The following MBTPS1 variants were observed in gnomAD, a reference collection of about 807,000 sequenced individuals.
MBTPS1 encodes the protein membrane bound transcription factor peptidase, site 1.
A neutral mutation model predicts 127.8 loss-of-function variants in MBTPS1; 94 were observed. That is an observed-to-expected ratio of 0.74 (90% CI 0.62 to 0.87). The LOEUF is 0.87. MBTPS1 is among the 40% of genes least tolerant of loss of function. The pLI is 0.00. For missense variants in MBTPS1, 1,636 were observed against 1,353.2 expected (o/e 1.21, Z -3.28); for synonymous variants, 632 against 509.4 (o/e 1.24, Z -3.24).
At chr16:84,110,356 A>C (rs1027053981) in intron 1 of MBTPS1, among the ~76,000 whole-genome samples, 1 of 152,342 alleles carries the variant, frequency 6.6e-6, no homozygotes, top group South Asian at 2.1e-4. Flanking sequence ...ACATTAAACA[A>C]ATCAAGTAAC....
rs749508384 is a variant in MBTPS1 at position 84,065,676 on chromosome 16, A to G, written c.2431+14T>C. On this transcript the variant is annotated intron_variant, in intron 18 of 22. Coordinates refer to ENST00000343411, the MANE Select transcript of MBTPS1 (RefSeq NM_003791.4). ...GAAAGAAGAAGCAAAAGGCCCATGA[A>G]TGGCATCCTTTACCTTGGTCCTTGA... 3.8e-6 allele frequency: 6 copies of G among 1,597,656 alleles called. No individual in the cohort carries two copies. Among genetic ancestry groups the G allele is most frequent in the Non-Finnish European group, 1.7e-6 (2 of 1,165,280 alleles).
intron 12 of MBTPS1, among the ~76,000 whole-genome samples, chr16:84,072,421 G>A (rs1318258621): frequency 6.6e-6 from 1 of 152,186 alleles, no homozygotes; most frequent in African/African-American, 2.4e-5. Flanking sequence ...CAAACTGTGC[G>A]ACCTAAAAGG....
At chr16:84,085,359 G>A (rs999103422) in intron 9 of MBTPS1, among the ~76,000 whole-genome samples, 5 of 152,142 alleles carry the variant, frequency 3.3e-5, no homozygotes, top group Non-Finnish European at 7.3e-5. Flanking sequence ...TTGAGCCCAG[G>A]AGTTCCAGAC....
intron 21 of MBTPS1, among the ~76,000 whole-genome samples, chr16:84,058,272 A>G (rs1481469858): frequency 1.3e-5 from 2 of 152,238 alleles, no homozygotes; most frequent in Non-Finnish European, 2.9e-5. Flanking sequence ...GTAAAGGCGG[A>G]AGGCAGCCTC....
chr16:84,108,066 C>G (rs1281165077), intron 1 of MBTPS1, among the ~76,000 whole-genome samples: 1 of 151,944 alleles, frequency 6.6e-6, no homozygotes, highest in Non-Finnish European at 1.5e-5. Flanking sequence ...GCTTTGCAAG[C>G]ACAGACTGCA....
chr16:84,116,688 G>C (rs761244605), intron 1 of MBTPS1, 47 bp downstream of exon 1: 1 of 151,948 alleles, frequency 6.6e-6, no homozygotes, highest in African/African-American at 2.4e-5. Context: ...GGCCGCCGCC[G>C]CTAGGCGGAG....
At chr16:84,084,541 C>T (rs1422430762) in intron 10 of MBTPS1, among the ~76,000 whole-genome samples, 1 of 152,152 alleles carries the variant, frequency 6.6e-6, no homozygotes, top group Non-Finnish European at 1.5e-5. Flanking sequence ...GTATATCTTA[C>T]ATATACGCAG....
chr16:84,062,504 G>A (rs1344042694), intron 19 of MBTPS1, among the ~76,000 whole-genome samples: 3 of 152,134 alleles, frequency 2.0e-5, no homozygotes, highest in African/African-American at 4.8e-5. Context: ...TGAAACGGAG[G>A]GGCACACACA....
Position 84,095,666 on chromosome 16 carries a change from T to A in MBTPS1, c.561A>T (p.Arg187Ser). The A allele has an allele frequency of 6.2e-7, 1 of 1,614,248 alleles. No individual in the cohort carries two copies. The highest frequency in any genetic ancestry group is 8.5e-7 in the Non-Finnish European group (1 of 1,180,042). The stretch of plus-strand genomic sequence containing the variant: ...TCTGGGCAACCTGGCGCGGGATGGC[T>A]CTCAGCAGCCGTCTGCTCGAATGCC... ...TGRHSSRRLL[R>S]AIPRQVAQTL... Residue 187 changes from arginine (R) to serine (S), a missense_variant, in exon 4 of 23, where the codon AGA (arginine) becomes AGT (serine). Coordinates refer to ENST00000343411, the MANE Select transcript of MBTPS1 (RefSeq NM_003791.4).
rs368999599 is a variant in MBTPS1, at chr16:84,059,154, G to A, written c.2831+148C>T. 1,381 of 1,020,430 alleles carry A rather than the reference G, an allele frequency of 1.4e-3. 22 individuals carry two copies. In the South Asian group the frequency reaches 0.022, roughly 16 times the overall value. The allele number at this position is 1,020,430 out of a possible 1,614,324, so 63.2% of individuals were successfully genotyped here. A position where few individuals can be genotyped will look rare whatever the true frequency, so the allele number is the denominator to read the frequency against. On this transcript the variant is annotated intron_variant, in intron 21 of 22. Coordinates refer to ENST00000343411, the MANE Select transcript of MBTPS1 (RefSeq NM_003791.4). ...AGAGCCTATTTCCAAAGGCCAATAC[G>A]AGGTTCACTAAATAACTGTCGCAAA...
chr16:84,066,511 C>T lies in MBTPS1; in HGVS notation c.2331G>A (p.Glu777=). 1.9e-6 allele frequency: 3 copies of T among 1,614,100 alleles called. No individual in the cohort carries two copies. Among genetic ancestry groups the T allele is most frequent in the Non-Finnish European group, 2.5e-6 (3 of 1,179,976 alleles). ...MGFSDGLYEG[E]FTLANHDMYY... is the part of the protein sequence containing the mutation. ...TACTGTCATGGTTGGCCAGGGTGAACTCCCCTTCATACAGGCCATCGCTGA... is the reference window on the plus strand; with the variant it reads ...TACTGTCATGGTTGGCCAGGGTGAATTCCCCTTCATACAGGCCATCGCTGA... Residue 777 remains glutamate, a synonymous_variant, in exon 17 of 23, where the codon GAG becomes GAA. Coordinates refer to ENST00000343411, the MANE Select transcript of MBTPS1 (RefSeq NM_003791.4).
chr16:84,067,637 T>TTTTA, intron 16 of MBTPS1, 30 bp downstream of exon 16: 3 of 1,035,732 alleles, frequency 2.9e-6, no homozygotes, highest in African/African-American at 1.7e-5. Flanking sequence ...CCAAAAGTCT[T>TTTTA]ATCCAAATAC....
At chr16:84,088,247 C>T (rs780832064) in intron 8 of MBTPS1, among the ~76,000 whole-genome samples, 3 of 152,090 alleles carry the variant, frequency 2.0e-5, no homozygotes, top group Non-Finnish European at 4.4e-5. Flanking sequence ...CAACTACATA[C>T]AACTGATTCC....
At chr16:84,093,572 A>G (rs1288535709) in intron 5 of MBTPS1, 139 bp downstream of exon 5, 3 of 697,320 alleles carry the variant, frequency 4.3e-6, no homozygotes, top group Non-Finnish European at 7.6e-6. Context: ...TGAGGTATTC[A>G]GAGCAGTTTC....
intron 4 of MBTPS1, among the ~76,000 whole-genome samples, 198 bp downstream of exon 4, chr16:84,095,404 G>A (rs2151164965): frequency 6.6e-6 from 1 of 152,374 alleles, no homozygotes; most frequent in African/African-American, 2.4e-5. Context: ...TGGCATCACA[G>A]GAGTCAAAGA....
intron 6 of MBTPS1, 57 bp from the exon 7 acceptor site, chr16:84,091,905 GAC>G: frequency 5.0e-6 from 5 of 1,005,960 alleles, no homozygotes; most frequent in Non-Finnish European, 4.7e-6. Context: ...AAAGTGCTAG[GAC>G]AGTTTTTATT....
chr16:84,056,169 A>C (rs376298932), intron 21 of MBTPS1, 34 bp from the exon 22 acceptor site: 1 of 1,596,362 alleles, frequency 6.3e-7, no homozygotes, highest in Non-Finnish European at 8.6e-7. Flanking sequence ...AAACAAAAAT[A>C]AGCCATTGTA....
intron 1 of MBTPS1, among the ~76,000 whole-genome samples, chr16:84,115,316 A>T (rs1980010): frequency 0.56 from 85,406 of 151,998 alleles, 24,280 homozygotes; most frequent in East Asian, 0.75. Flanking sequence ...CTGCATTGGA[A>T]TTTTCCCTTT....
intron 5 of MBTPS1, 118 bp downstream of exon 5, chr16:84,093,593 A>G: frequency 2.5e-6 from 2 of 789,516 alleles, no homozygotes; most frequent in South Asian, 3.2e-5. Context: ...TGCCACAACA[A>G]AAAGCACAAT....
Sources: gnomAD v4.1 joint callset for allele counts (sites outside exome capture counted in the v4.1 genomes callset) on GRCh38, gnomAD v4.1.1 for gene constraint, MANE v1.5 for transcripts, NCBI Gene and HGNC (gene_info 2026-07-23, HGNC 2026-07-21) for gene names.